CNTN5: variants seen among roughly 807,000 people sequenced by gnomAD.
CNTN5 encodes the protein contactin 5.
Under a neutral mutation model 129.1 loss-of-function variants are expected in CNTN5, and 77 were observed. The observed-to-expected ratio is 0.60, with a 90% confidence interval of 0.50 to 0.72. The LOEUF (loss-of-function observed/expected upper bound fraction) is 0.72, where lower values mean the gene tolerates loss of function less well. Ranked by LOEUF, CNTN5 falls within the 30% of genes least tolerant of loss-of-function variation. The pLI, the probability that CNTN5 is intolerant of heterozygous loss-of-function variation, is 0.00. For missense variants in CNTN5, 1,478 were observed against 1,328.8 expected (o/e 1.11, Z -1.75); for synonymous variants, 509 against 465.6 (o/e 1.09, Z -1.20).
At chr11:100,270,285 T>C (rs1034637483) in intron 17 of CNTN5, among the ~76,000 whole-genome samples, 2 of 152,158 alleles carry the variant, frequency 1.3e-5, no homozygotes, top group Admixed American at 6.5e-5. Context: ...AAAACAGAAT[T>C]GAGTCCTCAA....
At chr11:100,240,050 G>A (rs565498809) in intron 16 of CNTN5, among the ~76,000 whole-genome samples, 25 of 152,242 alleles carry the variant, frequency 1.6e-4, no homozygotes, top group African/African-American at 5.5e-4. Context: ...TGATCTGTAT[G>A]AATCAGTAAA....
chr11:99,487,920 G>C (rs935489792), intron 2 of CNTN5, among the ~76,000 whole-genome samples: 2 of 152,094 alleles, frequency 1.3e-5, no homozygotes, highest in African/African-American at 4.8e-5. Flanking sequence ...TGTTATGAAA[G>C]AGTGGGAGAA....
At position 99,597,218 on chromosome 11, in the gene CNTN5, A is replaced by G. The variant is rs549127920; in HGVS notation, c.55+40949A>G. 7.4e-4 allele frequency among the ~76,000 whole-genome samples: 112 copies of G among 152,302 alleles called. 2 individuals are homozygous for G. The highest frequency in any genetic ancestry group is 6.4e-3 in the South Asian group (31 of 4,830). On this transcript the variant is annotated intron_variant, in intron 3 of 24. Coordinates refer to ENST00000524871, the MANE Select transcript of CNTN5 (RefSeq NM_014361.4). The stretch of plus-strand genomic sequence containing the variant: ...TATTTAGCATCAGATATAAGCAAAT[A>G]TAAAGCTGGAGTCTCACGGAATGTT...
chr11:99,901,594 G>C (rs1043466700), intron 6 of CNTN5, among the ~76,000 whole-genome samples: 1 of 151,924 alleles, frequency 6.6e-6, no homozygotes, highest in Non-Finnish European at 1.5e-5. Flanking sequence ...TGCCTGACCT[G>C]GTCATACATT....
At position 99,975,987 on chromosome 11, in the gene CNTN5, CAAGT is replaced by C. The variant is rs1440550972; in HGVS notation, c.877+18979_877+18982del. ...CCTAGGAGCCCGTGAAATAAAAAAA[CAAGT>C]TAGTTACTTACAAGTTACAATGTGG... On this transcript the variant is annotated intron_variant, in intron 8 of 24. Coordinates refer to ENST00000524871, the MANE Select transcript of CNTN5 (RefSeq NM_014361.4). Among the ~76,000 whole-genome samples, 6 of 152,262 alleles carry C rather than the reference CAAGT, an allele frequency of 3.9e-5. No individual in the cohort carries two copies. The East Asian group carries it at 9.7e-4, about 24-fold the overall frequency.
intron 1 of CNTN5, among the ~76,000 whole-genome samples, chr11:99,107,080 A>C (rs1442606544): frequency 6.6e-6 from 1 of 152,104 alleles, no homozygotes; most frequent in Non-Finnish European, 1.5e-5. Flanking sequence ...ATAGCTGTAA[A>C]TGTTCTCATT....
At chr11:99,100,347 T>A (rs930161282) in intron 1 of CNTN5, among the ~76,000 whole-genome samples, 1 of 152,160 alleles carries the variant, frequency 6.6e-6, no homozygotes, top group Non-Finnish European at 1.5e-5. Context: ...AATCAAATCA[T>A]GTAAGAACAA....
chr11:100,317,691 C>T (rs761739907), intron 21 of CNTN5, among the ~76,000 whole-genome samples: 7 of 152,132 alleles, frequency 4.6e-5, no homozygotes, highest in Non-Finnish European at 1.0e-4. Context: ...TTAACCTGTT[C>T]TTTTCTTGTC....
intron 9 of CNTN5, among the ~76,000 whole-genome samples, chr11:100,004,299 T>A (rs925406920): frequency 1.3e-5 from 2 of 151,580 alleles, no homozygotes; most frequent in African/African-American, 2.4e-5. Context: ...CATGTCAAAC[T>A]TTTTTTTTGT....
chr11:100,283,169 C>T (rs2138825727), intron 18 of CNTN5, among the ~76,000 whole-genome samples: 1 of 152,252 alleles, frequency 6.6e-6, no homozygotes, highest in South Asian at 2.1e-4. Flanking sequence ...CTGGGTCTTT[C>T]CCTTCAAGGT....
intron 18 of CNTN5, among the ~76,000 whole-genome samples, chr11:100,272,270 T>A (rs190954556): frequency 1.3e-5 from 2 of 152,234 alleles, no homozygotes; most frequent in African/African-American, 4.8e-5. Flanking sequence ...AAGGGAACAA[T>A]TTTTTCCTTT....
intron 3 of CNTN5, among the ~76,000 whole-genome samples, chr11:99,813,071 G>A (rs1394546242): frequency 2.0e-5 from 3 of 151,882 alleles, no homozygotes; most frequent in African/African-American, 7.3e-5. Flanking sequence ...CACAAGTCAG[G>A]TATCATTTGT....
At chr11:99,700,254 A>C (rs1366765931) in intron 3 of CNTN5, among the ~76,000 whole-genome samples, 2 of 151,408 alleles carry the variant, frequency 1.3e-5, no homozygotes, top group Admixed American at 1.3e-4. Flanking sequence ...CAGAATTAGT[A>C]ATCTCTTAAA....
At position 100,219,176 on chromosome 11, in the gene CNTN5, C is replaced by T. The variant is rs551830963; in HGVS notation, c.1885-5516C>T. On this transcript the variant is annotated intron_variant, in intron 15 of 24. Transcript: ENST00000524871. ...GATGTAGGTATGAGGAAAGCTGGTC[C>T]ACACTCCCTGCCAATGTGTCTTCTG... 9.8e-5 allele frequency among the ~76,000 whole-genome samples: 15 copies of T among 152,320 alleles called. No homozygotes were observed. In the South Asian group the frequency reaches 3.1e-3, roughly 32 times the overall value.
intron 3 of CNTN5, among the ~76,000 whole-genome samples, chr11:99,641,751 C>T (rs1236895187): frequency 6.6e-6 from 1 of 152,146 alleles, no homozygotes; most frequent in Non-Finnish European, 1.5e-5. Flanking sequence ...TAAACCTGGG[C>T]AGATCTGATC....
chr11:99,993,593 C>T (rs1939262276), intron 8 of CNTN5, among the ~76,000 whole-genome samples: 1 of 152,094 alleles, frequency 6.6e-6, no homozygotes, highest in African/African-American at 2.4e-5. Flanking sequence ...CAACAGGGTG[C>T]AAACTCCTGT....
intron 1 of CNTN5, among the ~76,000 whole-genome samples, chr11:99,320,335 C>T (rs187029037): frequency 9.2e-5 from 14 of 152,180 alleles, no homozygotes; most frequent in African/African-American, 2.2e-4. Context: ...CAGTGGAAGA[C>T]GAGATGATTA....
At chr11:99,770,274 C>G (rs1189583362) in intron 3 of CNTN5, among the ~76,000 whole-genome samples, 1 of 152,010 alleles carries the variant, frequency 6.6e-6, no homozygotes, top group Non-Finnish European at 1.5e-5. Context: ...ACATGGTTCA[C>G]AAGTCAAAAC....
At chr11:99,670,969 G>A (rs948226884) in intron 3 of CNTN5, among the ~76,000 whole-genome samples, 1 of 152,038 alleles carries the variant, frequency 6.6e-6, no homozygotes, top group African/African-American at 2.4e-5. Flanking sequence ...CCTTATTCTG[G>A]ACCACTGTTT....
Sources: gnomAD v4.1 joint callset for allele counts (sites outside exome capture counted in the v4.1 genomes callset) on GRCh38, gnomAD v4.1.1 for gene constraint, MANE v1.5 for transcripts, NCBI Gene and HGNC (gene_info 2026-07-23, HGNC 2026-07-21) for gene names.